The following SDK1 variants were observed in gnomAD, a reference collection of about 807,000 sequenced individuals.
SDK1 encodes protein sidekick-1.
A neutral mutation model predicts 245.5 loss-of-function variants in SDK1; 157 were observed. That is an observed-to-expected ratio of 0.64 (90% CI 0.56 to 0.73). The LOEUF is 0.73. SDK1 is among the 30% of genes least tolerant of loss of function. SDK1 has a pLI of 0.00. For missense variants in SDK1, 3,583 were observed against 3,002.3 expected, an observed-to-expected ratio of 1.19 and a Z score of -4.52; for synonymous variants, 1,647 against 1,278.5, an observed-to-expected ratio of 1.29 and a Z score of -6.15.
At chr7:3,875,905 C>A (rs1432707614) in intron 5 of SDK1, among the ~76,000 whole-genome samples, 1 of 152,112 alleles carries the variant, frequency 6.6e-6, no homozygotes, top group African/African-American at 2.4e-5. Context: ...TAACTCCTAC[C>A]ATCAGGGGCT....
intron 5 of SDK1, among the ~76,000 whole-genome samples, chr7:3,945,838 G>A (rs1209536878): frequency 3.0e-5 from 4 of 133,162 alleles, no homozygotes; most frequent in Non-Finnish European, 6.2e-5. Flanking sequence ...AGCGGAGCTT[G>A]CAGTGACCTG....
At chr7:3,568,918 G>T (rs754063322) in intron 1 of SDK1, among the ~76,000 whole-genome samples, 1 of 151,684 alleles carries the variant, frequency 6.6e-6, no homozygotes. Flanking sequence ...TAGGCAATTT[G>T]CTTTAGTATC....
intron 1 of SDK1, among the ~76,000 whole-genome samples, chr7:3,508,802 G>A (rs1782479992): frequency 6.6e-6 from 1 of 152,174 alleles, no homozygotes; most frequent in Non-Finnish European, 1.5e-5. Flanking sequence ...CACTAGGCGT[G>A]AAATTCTTTG....
intron 5 of SDK1, among the ~76,000 whole-genome samples, chr7:3,916,823 TGATA>T (rs779937843): frequency 9.8e-5 from 15 of 152,350 alleles, no homozygotes; most frequent in East Asian, 1.9e-4. Flanking sequence ...GATTATTAAT[TGATA>T]GATAGATAGA....
intron 5 of SDK1, among the ~76,000 whole-genome samples, chr7:3,869,859 A>G (rs1358299874): frequency 6.6e-6 from 1 of 152,184 alleles, no homozygotes; most frequent in African/African-American, 2.4e-5. Flanking sequence ...TTAACAAATA[A>G]TACATTGGTT....
chr7:4,209,241 G>A (rs1784391606), intron 37 of SDK1, among the ~76,000 whole-genome samples: 1 of 152,344 alleles, frequency 6.6e-6, no homozygotes, highest in Admixed American at 6.5e-5. Context: ...TGCCGGCCTG[G>A]CAGGTCACAG....
In SDK1 at chr7:4,245,952, T is replaced by C. The variant is rs1345454526; in HGVS notation, c.6381+147T>C. 3 of 1,015,420 alleles carry C rather than the reference T, an allele frequency of 3.0e-6. No homozygotes were observed. The Admixed American group carries it at 7.5e-5, about 26-fold the overall frequency. The allele number at this position is 1,015,420 out of a possible 1,614,324, so 62.9% of individuals were successfully genotyped here. The stretch of plus-strand genomic sequence containing the variant: ...AGGACAAAGGGCTTCATTATGCAGA[T>C]GAGAAAAGAGCCGAAATTCAACCCC... On this transcript the variant is annotated intron_variant, in intron 44 of 44. Coordinates refer to ENST00000404826, the MANE Select transcript of SDK1 (RefSeq NM_152744.4).
chr7:4,218,624 C>A lies in SDK1; in HGVS notation c.5540-1485C>A, dbSNP rs139323101. Among the ~76,000 whole-genome samples, 815 of 152,252 alleles carry A rather than the reference C, an allele frequency of 5.4e-3. 7 individuals carry two copies. The highest frequency in any genetic ancestry group is 6.2e-3 in the Non-Finnish European group (421 of 68,018). On this transcript the variant is annotated intron_variant, in intron 38 of 44. Coordinates refer to ENST00000404826, the MANE Select transcript of SDK1 (RefSeq NM_152744.4). ...GGAGATGACTGGGGTATTCCAGGTG[C>A]TGACTAGCAGCGCACGACCCTCCCG...
intron 1 of SDK1, among the ~76,000 whole-genome samples, chr7:3,382,183 C>T (rs1212963587): frequency 2.0e-5 from 3 of 151,822 alleles, no homozygotes; most frequent in Non-Finnish European, 4.4e-5. Context: ...GTTTCCCAGG[C>T]TGGTCTCCAA....
chr7:3,617,119 G>A (rs1011830870), intron 1 of SDK1, among the ~76,000 whole-genome samples: 10 of 152,100 alleles, frequency 6.6e-5, no homozygotes, highest in African/African-American at 2.4e-4. Flanking sequence ...CTATGTTATA[G>A]GGCTTTTGTG....
chr7:3,305,720 G>A (rs998529556), intron 1 of SDK1, among the ~76,000 whole-genome samples: 2 of 152,122 alleles, frequency 1.3e-5, no homozygotes, highest in African/African-American at 4.8e-5. Flanking sequence ...TTAGGCCACT[G>A]GGTATTTAAC....
At chr7:3,498,884 A>G (rs1438536878) in intron 1 of SDK1, among the ~76,000 whole-genome samples, 1 of 152,202 alleles carries the variant, frequency 6.6e-6, no homozygotes. Flanking sequence ...TTATCCTGCT[A>G]CATGACACTT....
In SDK1 at chr7:3,775,431, AT is replaced by A. The variant is rs1037602869; in HGVS notation, c.714-46008del. Among the ~76,000 whole-genome samples, 1,042 of 142,382 alleles carry A rather than the reference AT, an allele frequency of 7.3e-3. 14 individuals carry two copies. The highest frequency in any genetic ancestry group is 0.025 in the African/African-American group (987 of 38,908). The allele number at this position is 142,382 out of a possible 152,430, so 93.4% of individuals were successfully genotyped here. A position where few individuals can be genotyped will look rare whatever the true frequency, so the allele number is the denominator to read the frequency against. ...CAAAGAAAGCCTTTTTTTTTATTTTATTTTTTTTTTTCTATTTGAAGGCTGT... is the reference window on the plus strand; with the variant it reads ...CAAAGAAAGCCTTTTTTTTTATTTTATTTTTTTTTTCTATTTGAAGGCTGT... On this transcript the variant is annotated intron_variant, in intron 4 of 44. Coordinates refer to ENST00000404826, the MANE Select transcript of SDK1 (RefSeq NM_152744.4).
Position 4,165,436 on chromosome 7 carries a change from G to T in SDK1, c.4800+3580G>T, listed in dbSNP as rs1009099328. On this transcript the variant is annotated intron_variant, in intron 32 of 44. Transcript: ENST00000404826. ...ATTTAAATGCCTCCCTTAGTAGACTGTCAGGCTTGATTATTCTTAGTAGGA... is the reference window on the plus strand; with the variant it reads ...ATTTAAATGCCTCCCTTAGTAGACTTTCAGGCTTGATTATTCTTAGTAGGA... Among the ~76,000 whole-genome samples, 40 of 152,264 alleles carry T rather than the reference G, an allele frequency of 2.6e-4. 1 individual carries two copies. The highest frequency in any genetic ancestry group is 9.4e-4 in the African/African-American group (39 of 41,562).
intron 19 of SDK1, among the ~76,000 whole-genome samples, chr7:4,053,340 C>T (rs1333817987): frequency 1.4e-5 from 2 of 146,460 alleles, no homozygotes; most frequent in African/African-American, 5.4e-5. Flanking sequence ...CCTTTATTTC[C>T]GTGTCCTTAC....
At chr7:3,886,858 G>C (rs1398733754) in intron 5 of SDK1, among the ~76,000 whole-genome samples, 2 of 152,062 alleles carry the variant, frequency 1.3e-5, no homozygotes, top group African/African-American at 4.8e-5. Flanking sequence ...TGAGGTTGCA[G>C]TGAGCTGTAA....
intron 35 of SDK1, among the ~76,000 whole-genome samples, chr7:4,179,640 C>T (rs893039041): frequency 6.6e-6 from 1 of 152,008 alleles, no homozygotes; most frequent in Non-Finnish European, 1.5e-5. Context: ...AGGGGTCACT[C>T]AGAGCCACCG....
Position 4,010,816 on chromosome 7 carries a change from C to G in SDK1, c.2132-150C>G, listed in dbSNP as rs964684143. ...AGCCACATGGCCAGAGCCTCAGTTTCCACACCTGCTAAATGGGATAAGCTT... is the reference window on the plus strand; with the variant it reads ...AGCCACATGGCCAGAGCCTCAGTTTGCACACCTGCTAAATGGGATAAGCTT... On this transcript the variant is annotated intron_variant, in intron 14 of 44. Coordinates refer to ENST00000404826, the MANE Select transcript of SDK1 (RefSeq NM_152744.4). The G allele has an allele frequency of 3.8e-6, 3 of 789,908 alleles. No homozygotes were observed. The African/African-American group carries it at 5.2e-5, about 14-fold the overall frequency. The allele number at this position is 789,908 out of a possible 1,614,324, so 48.9% of individuals were successfully genotyped here.
Position 4,002,251 on chromosome 7 carries a change from C to CT in SDK1, c.2132-8715_2132-8714insT, listed in dbSNP as rs397757997. On this transcript the variant is annotated intron_variant, in intron 14 of 44. Coordinates refer to ENST00000404826, the MANE Select transcript of SDK1 (RefSeq NM_152744.4). ...CCCGTCTCTGAGTCTGGGCTCCAGC[C>CT]GGAGGGGTGAGTGGCTCAGAGCAGG... is the stretch of plus-strand genomic sequence containing the variant. Among the ~76,000 whole-genome samples, 199 of 151,990 alleles carry CT rather than the reference C, an allele frequency of 1.3e-3. 1 individual carries two copies. The highest frequency in any genetic ancestry group is 4.5e-3 in the African/African-American group (186 of 41,420).
Sources: allele counts gnomAD v4.1 joint callset (sites outside exome capture counted in the v4.1 genomes callset), GRCh38; gene constraint gnomAD v4.1.1; transcripts MANE v1.5; gene names NCBI Gene and HGNC (gene_info 2026-07-23, HGNC 2026-07-21).